CCBE1: variants seen among roughly 807,000 people sequenced by gnomAD.
The protein encoded by CCBE1 is collagen and calcium binding EGF domains 1, also known as collagen and calcium-binding EGF domain-containing protein 1.
In CCBE1, 37 loss-of-function variants were observed where a neutral mutation model predicts 50.0. The observed-to-expected ratio is 0.74, with a 90% CI of 0.57 to 0.97. The LOEUF is 0.97. Ranked by LOEUF, CCBE1 falls within the 50% of genes least tolerant of loss-of-function variation. The probability of loss-of-function intolerance (pLI) is 0.00; values close to 1 mark genes in which losing one functional copy is unlikely to be tolerated. For missense variants in CCBE1, 538 were observed against 523.8 expected, an observed-to-expected ratio of 1.03 and a Z score of -0.26; for synonymous variants, 234 against 203.7, an observed-to-expected ratio of 1.15 and a Z score of -1.27.
At chr18:59,677,981 C>A (rs1199890358) in intron 2 of CCBE1, among the ~76,000 whole-genome samples, 2 of 152,154 alleles carry the variant, frequency 1.3e-5, no homozygotes, top group African/African-American at 4.8e-5. Flanking sequence ...AATAGCATTT[C>A]CACAGTCATT....
Position 59,697,330 on chromosome 18 carries a change from G to T in CCBE1, c.13C>A (p.Pro5Thr). The T allele has an allele frequency of 6.5e-7, 1 of 1,547,948 alleles. No homozygotes were observed. Reference sequence around the variant, plus strand: ...CTGGCAGCTCCTCCCCGGCTCGGAGGCGGCGGCACCATCAGGGAAGCTCCC... The same window carrying T: ...CTGGCAGCTCCTCCCCGGCTCGGAGTCGGCGGCACCATCAGGGAAGCTCCC... MVPP[P>T]PSRGGAARGQ... The change falls in exon 1 of 11, where the codon CCT becomes ACT. Residue 5 changes from proline (P) to threonine (T), a missense_variant. Physicochemically the swap from Pro to Thr is conservative, Grantham distance 38 (BLOSUM62 -1). Transcript: ENST00000439986.
At chr18:59,691,511 C>T (rs914308652) in intron 2 of CCBE1, among the ~76,000 whole-genome samples, 3 of 152,196 alleles carry the variant, frequency 2.0e-5, no homozygotes, top group African/African-American at 7.2e-5. Flanking sequence ...GTTCAAGTGA[C>T]TCTCCTGCCT....
In CCBE1 at chr18:59,646,122, C is replaced by T. The variant is rs529225222; in HGVS notation, c.212+50507G>A. On this transcript the variant is annotated intron_variant, in intron 2 of 10. Coordinates refer to ENST00000439986, the MANE Select transcript of CCBE1 (RefSeq NM_133459.4). ...GGAGAAGGCTAATGGGGTCTACCCT[C>T]CCCTACTTTGCCTCAAACCAAGTTA... 4.6e-5 allele frequency among the ~76,000 whole-genome samples: 7 copies of T among 152,312 alleles called. No homozygotes were observed. The South Asian group carries it at 1.5e-3, about 32-fold the overall frequency.
intron 6 of CCBE1, among the ~76,000 whole-genome samples, chr18:59,452,741 C>A (rs2143666002): frequency 6.6e-6 from 1 of 152,268 alleles, no homozygotes; most frequent in South Asian, 2.1e-4. Context: ...GGTCATGGTG[C>A]TAATTAAATG....
chr18:59,625,797 G>C (rs2053775565), intron 2 of CCBE1, among the ~76,000 whole-genome samples: 1 of 152,018 alleles, frequency 6.6e-6, no homozygotes, highest in East Asian at 1.9e-4. Flanking sequence ...CCATTGTGTT[G>C]GTACTGAGGG....
At chr18:59,686,012 G>C (rs182573650) in intron 2 of CCBE1, 3 of 152,162 alleles carry the variant, frequency 2.0e-5, no homozygotes, top group Non-Finnish European at 2.9e-5. Context: ...CTGCAGAAAT[G>C]AAAGTTACAT....
intron 2 of CCBE1, among the ~76,000 whole-genome samples, chr18:59,547,125 AGGAGAGAGAGG>A (rs1276904893): frequency 1.6e-5 from 2 of 127,334 alleles, no homozygotes; most frequent in Non-Finnish European, 3.3e-5. Flanking sequence ...AAGAGAGGAA[AGGAGAGAGAGG>A]GGAGAGAGAG....
intron 2 of CCBE1, among the ~76,000 whole-genome samples, chr18:59,624,640 T>G (rs1413419491): frequency 1.3e-5 from 2 of 152,150 alleles, no homozygotes; most frequent in Non-Finnish European, 2.9e-5. Flanking sequence ...GAGTCTCAGC[T>G]TCCTCCAAGT....
At chr18:59,594,223 G>A (rs774214189) in intron 2 of CCBE1, among the ~76,000 whole-genome samples, 88 of 152,140 alleles carry the variant, frequency 5.8e-4, no homozygotes, top group Admixed American at 2.8e-3. Flanking sequence ...CCTTCCCTCC[G>A]TCCTCCTTCT....
At chr18:59,483,813 A>G (rs936263771) in intron 2 of CCBE1, among the ~76,000 whole-genome samples, 5 of 152,170 alleles carry the variant, frequency 3.3e-5, no homozygotes, top group African/African-American at 4.8e-5. Context: ...AAACAGTGGC[A>G]TTTGGGATGC....
chr18:59,459,056 T>C (rs112937567), intron 5 of CCBE1: 4 of 152,290 alleles, frequency 2.6e-5, no homozygotes, highest in African/African-American at 9.6e-5. Context: ...CACCTATCAC[T>C]TGGAGCTGCT....
intron 2 of CCBE1, among the ~76,000 whole-genome samples, chr18:59,638,345 C>T (rs1202906733): frequency 6.6e-6 from 1 of 152,154 alleles, no homozygotes; most frequent in East Asian, 1.9e-4. Flanking sequence ...AAGATCAGCA[C>T]AAGATAAGGA....
chr18:59,609,083 C>T (rs146256057), intron 2 of CCBE1, among the ~76,000 whole-genome samples: 80 of 152,324 alleles, frequency 5.3e-4, no homozygotes, highest in African/African-American at 1.9e-3. Flanking sequence ...AAACTTCCCC[C>T]TCTATCTTCG....
intron 2 of CCBE1, among the ~76,000 whole-genome samples, chr18:59,524,805 T>A (rs1253681246): frequency 6.6e-6 from 1 of 152,214 alleles, no homozygotes; most frequent in African/African-American, 2.4e-5. Flanking sequence ...GTCCATGTGT[T>A]CTCACTATTC....
At chr18:59,664,779 T>G (rs1161211561) in intron 2 of CCBE1, among the ~76,000 whole-genome samples, 2 of 152,114 alleles carry the variant, frequency 1.3e-5, no homozygotes, top group African/African-American at 4.8e-5. Context: ...TGAGTGGCAG[T>G]AGGGATGGCT....
intron 2 of CCBE1, among the ~76,000 whole-genome samples, chr18:59,690,267 T>TA (rs2054712036): frequency 6.6e-6 from 1 of 152,176 alleles, no homozygotes; most frequent in Non-Finnish European, 1.5e-5. Flanking sequence ...AAACACTATT[T>TA]AAAATGAGTC....
intron 2 of CCBE1, among the ~76,000 whole-genome samples, chr18:59,498,039 T>C (rs1013915139): frequency 6.6e-6 from 1 of 152,314 alleles, no homozygotes; most frequent in East Asian, 1.9e-4. Context: ...ACATCAGCAC[T>C]GGTGATTCTC....
intron 2 of CCBE1, among the ~76,000 whole-genome samples, chr18:59,548,332 T>G (rs1915787437): frequency 6.6e-6 from 1 of 152,248 alleles, no homozygotes; most frequent in African/African-American, 2.4e-5. Context: ...CTGATTTCTC[T>G]GGTTTCCATT....
chr18:59,586,986 A>G (rs182897769), intron 2 of CCBE1, among the ~76,000 whole-genome samples: 68 of 152,328 alleles, frequency 4.5e-4, no homozygotes, highest in Non-Finnish European at 1.3e-4. Context: ...ACAGAATGAA[A>G]TGGAAACCGT....
Sources: allele counts gnomAD v4.1 joint callset (sites outside exome capture counted in the v4.1 genomes callset), GRCh38; gene constraint gnomAD v4.1.1; transcripts MANE v1.5; gene names NCBI Gene and HGNC (gene_info 2026-07-23, HGNC 2026-07-21).